The following DLG2 variants were observed in gnomAD, a reference collection of about 807,000 sequenced individuals.
DLG2 encodes discs large MAGUK scaffold protein 2.
A neutral mutation model predicts 132.5 loss-of-function variants in DLG2; 45 were observed. That is an observed-to-expected ratio of 0.34 (90% CI 0.27 to 0.44). The LOEUF (loss-of-function observed/expected upper bound fraction) is 0.44, where lower values mean the gene tolerates loss of function less well. Ranked by LOEUF, DLG2 falls within the 20% of genes least tolerant of loss-of-function variation. The probability of loss-of-function intolerance (pLI) is 1.00; values close to 1 mark genes in which losing one functional copy is unlikely to be tolerated. For missense variants in DLG2, 1,045 were observed against 1,196.9 expected, an observed-to-expected ratio of 0.87 and a Z score of 1.87; for synonymous variants, 424 against 419.6, an observed-to-expected ratio of 1.01 and a Z score of -0.13.
chr11:84,961,978 G>A (rs1375159859), intron 6 of DLG2, among the ~76,000 whole-genome samples: 2 of 152,052 alleles, frequency 1.3e-5, no homozygotes, highest in Non-Finnish European at 2.9e-5. Context: ...AACAGCCCCT[G>A]CCACTGACAG....
Position 84,502,244 on chromosome 11 carries a change from TTCCTTCCTTCCTTCCTTCCTTC to T in DLG2, c.519+32304_519+32325del. 3.0e-3 allele frequency among the ~76,000 whole-genome samples: 121 copies of T among 39,784 alleles called. 43 individuals carry two copies. The African/African-American group carries it at 0.041, about 13-fold the overall frequency. 26.1% of individuals were successfully genotyped at this position (39,784 alleles called of 152,430 possible). ...CTTCCTTCCTTCCTTCCTTCCTTCC[TTCCTTCCTTCCTTCCTTCCTTC>T]CTTCCTTCCTTCCTTCTTTCTTTCT... On this transcript the variant is annotated intron_variant, in intron 7 of 27. Transcript: ENST00000376104.
At chr11:83,737,845 G>A (rs1217264552) in intron 18 of DLG2, among the ~76,000 whole-genome samples, 2 of 152,094 alleles carry the variant, frequency 1.3e-5, no homozygotes, top group Non-Finnish European at 2.9e-5. Flanking sequence ...AGGGTTAGTT[G>A]AACTGGTTCC....
chr11:83,938,782 C>T (rs1262565852), intron 14 of DLG2, among the ~76,000 whole-genome samples: 3 of 152,168 alleles, frequency 2.0e-5, no homozygotes, highest in East Asian at 1.9e-4. Flanking sequence ...CTTATTTAAT[C>T]TACTTTAGGT....
At chr11:84,903,552 T>G (rs1008032460) in intron 6 of DLG2, among the ~76,000 whole-genome samples, 11 of 152,214 alleles carry the variant, frequency 7.2e-5, no homozygotes, top group African/African-American at 2.7e-4. Flanking sequence ...TAGTTGGCAT[T>G]GTTCACAAAC....
At chr11:84,433,346 T>A (rs1254017311) in intron 7 of DLG2, among the ~76,000 whole-genome samples, 1 of 152,216 alleles carries the variant, frequency 6.6e-6, no homozygotes, top group Non-Finnish European at 1.5e-5. Context: ...CAATTTATCT[T>A]AAAGATTCTT....
At chr11:85,207,436 A>G (rs2081968597) in intron 4 of DLG2, among the ~76,000 whole-genome samples, 1 of 152,210 alleles carries the variant, frequency 6.6e-6, no homozygotes, top group African/African-American at 2.4e-5. Context: ...CTGTAATGCA[A>G]AAACTACTCC....
At chr11:84,664,896 G>C (rs1239456027) in intron 6 of DLG2, among the ~76,000 whole-genome samples, 2 of 152,010 alleles carry the variant, frequency 1.3e-5, no homozygotes, top group Non-Finnish European at 2.9e-5. Flanking sequence ...ATACATTCCT[G>C]CCTCATTGAT....
At chr11:85,381,265 T>C (rs896049382) in intron 3 of DLG2, among the ~76,000 whole-genome samples, 5 of 152,198 alleles carry the variant, frequency 3.3e-5, no homozygotes, top group African/African-American at 1.2e-4. Flanking sequence ...TGTGTGAAGT[T>C]TCCTAATATT....
chr11:84,891,991 A>G (rs2089469456), intron 6 of DLG2, among the ~76,000 whole-genome samples: 1 of 152,194 alleles, frequency 6.6e-6, no homozygotes, highest in Admixed American at 6.5e-5. Context: ...TTATATTTAT[A>G]TGGTAATCTA....
At chr11:84,520,013 T>C (rs1244493217) in intron 7 of DLG2, among the ~76,000 whole-genome samples, 1 of 152,206 alleles carries the variant, frequency 6.6e-6, no homozygotes. Context: ...TTGAAAATAC[T>C]ATTCAACATT....
intron 18 of DLG2, among the ~76,000 whole-genome samples, chr11:83,696,771 CAG>C (rs1461260545): frequency 6.6e-6 from 1 of 152,032 alleles, no homozygotes; most frequent in Non-Finnish European, 1.5e-5. Context: ...AGTAAGGAAA[CAG>C]AGAAATAGGA....
intron 3 of DLG2, among the ~76,000 whole-genome samples, chr11:85,360,734 C>T (rs1361859689): frequency 6.6e-6 from 1 of 152,140 alleles, no homozygotes; most frequent in African/African-American, 2.4e-5. Context: ...AAGTGTCCTC[C>T]CCTTCTCCCA....
intron 12 of DLG2, among the ~76,000 whole-genome samples, chr11:83,970,615 G>A (rs1025849962): frequency 1.2e-4 from 19 of 152,136 alleles, no homozygotes; most frequent in African/African-American, 4.1e-4. Context: ...GTGTGATTTG[G>A]GGAGACTTGT....
At chr11:84,411,399 G>A (rs898378550) in intron 7 of DLG2, among the ~76,000 whole-genome samples, 18 of 152,130 alleles carry the variant, frequency 1.2e-4, no homozygotes, top group Non-Finnish European at 1.0e-4. Context: ...CTGGTTACTA[G>A]AGCTAAAAAA....
chr11:84,456,638 C>A (rs977260095), intron 7 of DLG2, among the ~76,000 whole-genome samples: 3 of 151,496 alleles, frequency 2.0e-5, no homozygotes, highest in East Asian at 1.9e-4. Flanking sequence ...TATGGTCACT[C>A]CTTCAAGTCT....
At chr11:84,337,531 A>G (rs1489892431) in intron 7 of DLG2, among the ~76,000 whole-genome samples, 1 of 152,104 alleles carries the variant, frequency 6.6e-6, no homozygotes, top group African/African-American at 2.4e-5. Flanking sequence ...ATCAGATTCT[A>G]CTTCTTATTT....
At chr11:84,401,211 T>C (rs991099178) in intron 7 of DLG2, among the ~76,000 whole-genome samples, 2 of 152,166 alleles carry the variant, frequency 1.3e-5, no homozygotes, top group African/African-American at 2.4e-5. Flanking sequence ...CCATAGAAGA[T>C]GCATAGTATA....
At chr11:85,058,224 T>C (rs1352265308) in intron 6 of DLG2, among the ~76,000 whole-genome samples, 4 of 151,618 alleles carry the variant, frequency 2.6e-5, no homozygotes, top group African/African-American at 7.2e-5. Context: ...TGTCAATATA[T>C]AAAAATCAAT....
chr11:83,855,566 C>A (rs752091320), intron 16 of DLG2, among the ~76,000 whole-genome samples: 4 of 152,136 alleles, frequency 2.6e-5, no homozygotes, highest in Admixed American at 2.0e-4. Context: ...AGAAGCCAAT[C>A]TGAAAAGGCT....
Sources: gnomAD v4.1 joint callset for allele counts (sites outside exome capture counted in the v4.1 genomes callset) on GRCh38, gnomAD v4.1.1 for gene constraint, MANE v1.5 for transcripts, NCBI Gene and HGNC (gene_info 2026-07-23, HGNC 2026-07-21) for gene names.